The following ITPRIPL1 variants were observed in gnomAD, a reference collection of about 807,000 sequenced individuals.
The protein encoded by ITPRIPL1 is ITPRIP like 1, also known as inositol 1,4,5-trisphosphate receptor-interacting protein-like 1.
In ITPRIPL1, 28 loss-of-function variants were observed where a neutral mutation model predicts 40.0. The observed-to-expected ratio is 0.70, with a 90% CI of 0.52 to 0.96. The LOEUF (loss-of-function observed/expected upper bound fraction) is 0.96, where lower values mean the gene tolerates loss of function less well. Among genes scored for constraint, ITPRIPL1 ranks in the 40% least tolerant of loss-of-function variants. ITPRIPL1 has a pLI of 0.00. For missense variants in ITPRIPL1, 638 were observed against 698.0 expected (o/e 0.91, Z 0.97); for synonymous variants, 251 against 275.7 (o/e 0.91, Z 0.89).
Position 96,328,339 on chromosome 2 carries a change from T to A in ITPRIPL1, c.*40T>A. On this transcript the variant is annotated 3_prime_UTR_variant, in exon 3 of 3. Transcript: ENST00000439118. ...AAAAAAAAACAGAGGAAGGTATTTC[T>A]AATTCCTTGGGCTACAAAAGTGTTT... 6.5e-7 allele frequency: 1 copy of A among 1,550,250 alleles called. No individual in the cohort carries two copies. The highest frequency in any genetic ancestry group is 8.7e-7 in the Non-Finnish European group (1 of 1,146,486).
At position 96,327,345 on chromosome 2, in the gene ITPRIPL1, G is replaced by C; in HGVS notation, c.714G>C (p.Leu238=). ...ATGAGACCCAGAAATTTGATATCCT[G>C]GTGCCCATTGTCCCCCCACAGGGCA... The part of the protein sequence containing the change: ...TLHETQKFDI[L]VPIVPPQGTM... Residue 238 remains leucine, a synonymous_variant, in exon 3 of 3, where the codon CTG becomes CTC. Transcript: ENST00000439118. The C allele has an allele frequency of 6.2e-7, 1 of 1,614,152 alleles. No individual in the cohort carries two copies. The highest frequency in any genetic ancestry group is 1.7e-5 in the Admixed American group (1 of 60,020).
At position 96,326,309 on chromosome 2, in the gene ITPRIPL1, G is replaced by A. The variant is rs544520029; in HGVS notation, c.11-333G>A. The A allele has an allele frequency of 1.9e-5, 28 of 1,462,104 alleles. No individual in the cohort carries two copies. The Admixed American group carries it at 5.1e-4, about 27-fold the overall frequency. The allele number at this position is 1,462,104 out of a possible 1,614,324, so 90.6% of individuals were successfully genotyped here. ...TGCCCATGGTTGACTGAGGAGTCGG[G>A]TGAGGCCACCCTACCACAAGGGTCC... On this transcript the variant is annotated intron_variant, in intron 2 of 2. Coordinates refer to ENST00000439118, the MANE Select transcript of ITPRIPL1 (RefSeq NM_001008949.3).
downstream of ITPRIPL1, chr2:96,329,262 A>G (rs1471424309): frequency 7.0e-6 from 1 of 142,890 alleles, no homozygotes; most frequent in African/African-American, 2.6e-5. Context: ...AGTTGTTTTT[A>G]TGCATCTGAA....
At position 96,327,365 on chromosome 2, in the gene ITPRIPL1, A is replaced by G; in HGVS notation, c.734A>G (p.Gln245Arg). 1 of 1,614,104 alleles carries G rather than the reference A, an allele frequency of 6.2e-7. No individual in the cohort carries two copies. Among genetic ancestry groups the G allele is most frequent in the African/African-American group, 1.3e-5 (1 of 75,028 alleles). Residue 245 changes from glutamine (Q) to arginine (R), a missense_variant, in exon 3 of 3, where the codon CAG becomes CGG. Transcript: ENST00000439118. ...ATCCTGGTGCCCATTGTCCCCCCAC[A>G]GGGCACCATGTTTGTCCTGGAGATG... ...FDILVPIVPP[Q>R]GTMFVLEMRD...
chr2:96,326,518 G>A lies in ITPRIPL1; in HGVS notation c.11-124G>A, dbSNP rs1167687008. 42 of 1,558,904 alleles carry A rather than the reference G, an allele frequency of 2.7e-5. No homozygotes were observed. The East Asian group carries it at 7.2e-4, about 27-fold the overall frequency. On this transcript the variant is annotated intron_variant, in intron 2 of 2. Coordinates refer to ENST00000439118, the MANE Select transcript of ITPRIPL1 (RefSeq NM_001008949.3). ...GCTGTGTCCAAGCCAAGCTCTGTGG[G>A]CTTTCTGTTCCTCCTGAGTAGCTGA...
downstream of ITPRIPL1, chr2:96,329,441 G>A (rs1383796213): frequency 3.3e-5 from 5 of 151,860 alleles, no homozygotes; most frequent in Non-Finnish European, 7.4e-5. Flanking sequence ...CAATCTTTTT[G>A]GGGGCTCTGA....
chr2:96,326,682 G>T lies in ITPRIPL1; in HGVS notation c.51G>T (p.Leu17Phe). The T allele has an allele frequency of 6.2e-7, 1 of 1,614,230 alleles. No homozygotes were observed. Among genetic ancestry groups the T allele is most frequent in the Non-Finnish European group, 8.5e-7 (1 of 1,180,046 alleles). ...ASMAVISLLF[L>F]AVMYVVHHPL... ...TGGCTGTGATAAGCCTGCTGTTCTT[G>T]GCAGTGATGTATGTTGTTCACCACC... Residue 17 changes from leucine (L) to phenylalanine (F), a missense_variant, in exon 3 of 3, where the codon TTG becomes TTT. Coordinates refer to ENST00000439118, the MANE Select transcript of ITPRIPL1 (RefSeq NM_001008949.3).
In ITPRIPL1 at chr2:96,325,574, C is replaced by T. The variant is rs1187747258; in HGVS notation, c.-94+9C>T. ...TCCTACTAACACTGACGGTGAGTAA[C>T]CTGGCCCTGGGTCCCGGGAGACATC... On this transcript the variant is annotated intron_variant, in intron 1 of 2. Transcript: ENST00000439118. The T allele has an allele frequency of 1.7e-6, 1 of 576,536 alleles. No homozygotes were observed. The highest frequency in any genetic ancestry group is 2.0e-5 in the South Asian group (1 of 49,488). The allele number at this position is 576,536 out of a possible 1,614,324, so 35.7% of individuals were successfully genotyped here.
downstream of ITPRIPL1, chr2:96,329,662 A>G (rs961354672): frequency 6.6e-6 from 1 of 151,502 alleles, no homozygotes; most frequent in Non-Finnish European, 1.5e-5. Flanking sequence ...AGGTTTGTAT[A>G]GGAAAGGATT....
chr2:96,326,804 A>G lies in ITPRIPL1; in HGVS notation c.173A>G (p.Glu58Gly), dbSNP rs759165617. ...GAGGAGATGCGCCTGCTAGAGATGG[A>G]GTTTGAAGAGAGAAAGCGAGCCGCT... ...MSEEMRLLEMEFEERKRAAEQ... is the reference protein window; with the variant it reads ...MSEEMRLLEMGFEERKRAAEQ... The change falls in exon 3 of 3, where the codon GAG becomes GGG. Residue 58 changes from glutamate (E) to glycine (G), a missense_variant. Transcript: ENST00000439118. 38 of 1,613,952 alleles carry G rather than the reference A, an allele frequency of 2.4e-5. No individual in the cohort carries two copies. Among genetic ancestry groups the G allele is most frequent in the Non-Finnish European group, 3.2e-5 (38 of 1,180,014 alleles).
At chr2:96,325,638 G>T in intron 1 of ITPRIPL1, 73 bp downstream of exon 1, 1 of 630,882 alleles carries the variant, frequency 1.6e-6, no homozygotes, top group East Asian at 2.7e-5. Flanking sequence ...ACGGATAGGC[G>T]GGTGAGAGTA....
At chr2:96,325,673 G>A in intron 1 of ITPRIPL1, 74 bp from the exon 2 acceptor site, 1 of 684,636 alleles carries the variant, frequency 1.5e-6, no homozygotes, top group Non-Finnish European at 2.6e-6. Context: ...TGGAATTTGG[G>A]GAAGTTATGA....
rs769272681 is a variant in ITPRIPL1, at chr2:96,326,892, G to A, written c.261G>A (p.Leu87=). 1 of 1,614,238 alleles carries A rather than the reference G, an allele frequency of 6.2e-7. No homozygotes were observed. Among genetic ancestry groups the A allele is most frequent in the African/African-American group, 1.3e-5 (1 of 75,064 alleles). ...TGDTSSDQLV[L]GKKDMGWPFQ... is the part of the protein sequence containing the mutation. Reference sequence around the variant, plus strand: ...ACACATCCAGTGACCAGTTAGTGCTGGGGAAGAAAGACATGGGGTGGCCGT... The same window carrying A: ...ACACATCCAGTGACCAGTTAGTGCTAGGGAAGAAAGACATGGGGTGGCCGT... Residue 87 remains leucine (L), a synonymous_variant, in exon 3 of 3, where the codon CTG becomes CTA. Transcript: ENST00000439118.
Position 96,327,014 on chromosome 2 carries a change from G to A in ITPRIPL1, c.383G>A (p.Arg128Gln), listed in dbSNP as rs369932867. ...FCLFLVFELL[R>Q]QNMQHEPAFD... ...CTTTTTCTCGTCTTTGAGCTCCTGC[G>A]ACAGAACATGCAGCATGAACCGGCC... is the stretch of plus-strand genomic sequence containing the variant. Residue 128 changes from arginine (R) to glutamine (Q), a missense_variant, in exon 3 of 3, where the codon CGA (arginine) becomes CAA (glutamine). By Grantham distance (43) the Arg-to-Gln change is conservative. Coordinates refer to ENST00000439118, the MANE Select transcript of ITPRIPL1 (RefSeq NM_001008949.3). 3.3e-5 allele frequency: 54 copies of A among 1,614,046 alleles called. No homozygotes were observed. The highest frequency in any genetic ancestry group is 1.6e-4 in the East Asian group (7 of 44,892).
rs1444914984 is a variant in ITPRIPL1 at position 96,325,492 on chromosome 2, A to G, written c.-167A>G. 1 of 400,072 alleles carries G rather than the reference A, an allele frequency of 2.5e-6. No individual in the cohort carries two copies. The highest frequency in any genetic ancestry group is 4.6e-6 in the Non-Finnish European group (1 of 215,796). The allele number at this position is 400,072 out of a possible 1,614,324, so 24.8% of individuals were successfully genotyped here. On this transcript the variant is annotated 5_prime_UTR_variant, in exon 1 of 3. Coordinates refer to ENST00000439118, the MANE Select transcript of ITPRIPL1 (RefSeq NM_001008949.3). Reference sequence around the variant, plus strand: ...CCCCAGCGATGAACCGGACGCCCCCACCCTGCCGGGAAAAAAGCAGTGGCG... The same window carrying G: ...CCCCAGCGATGAACCGGACGCCCCCGCCCTGCCGGGAAAAAAGCAGTGGCG...
chr2:96,328,408 A>G, downstream of ITPRIPL1: 1 of 1,134,646 alleles, frequency 8.8e-7, no homozygotes, highest in Non-Finnish European at 1.3e-6. Flanking sequence ...TCACCTTGCC[A>G]GTGGGGGCTA....
In ITPRIPL1 at chr2:96,327,076, C is replaced by T. The variant is rs748776142; in HGVS notation, c.445C>T (p.Arg149Cys). 2.0e-5 allele frequency: 32 copies of T among 1,614,028 alleles called. No individual in the cohort carries two copies. Among genetic ancestry groups the T allele is most frequent in the South Asian group, 1.1e-4 (10 of 91,084 alleles). ...CAGTGAGGAGGAGGAGGAGGAAGTC[C>T]GTGTTGTCCCTGTCACCTCTTACAA... ...SSSEEEEEEV[R>C]VVPVTSYNWL... The change falls in exon 3 of 3, where the codon CGT (arginine) becomes TGT (cysteine). Residue 149 changes from arginine (R) to cysteine (C), a missense_variant. By Grantham distance (180) the Arg-to-Cys change is radical. Transcript: ENST00000439118.
downstream of ITPRIPL1, chr2:96,328,516 T>C: frequency 2.0e-6 from 1 of 498,536 alleles, no homozygotes; most frequent in Non-Finnish European, 3.5e-6. Context: ...GGTTTTCTTC[T>C]GCTAACTTTC....
chr2:96,328,059 C>T lies in ITPRIPL1; in HGVS notation c.1428C>T (p.Asp476=). The T allele has an allele frequency of 1.2e-6, 2 of 1,614,194 alleles. No homozygotes were observed. The highest frequency in any genetic ancestry group is 1.7e-6 in the Non-Finnish European group (2 of 1,180,034). The change falls in exon 3 of 3, where the codon GAC becomes GAT. Residue 476 remains aspartate (D), a synonymous_variant. Transcript: ENST00000439118. ...AHNMLSQRLQ[D]ILWFLGRGLQ... ...ACATGCTCTCTCAGCGGCTCCAGGA[C>T]ATTCTCTGGTTCTTGGGCCGTGGCC...
Sources: gnomAD v4.1 joint callset for allele counts on GRCh38, gnomAD v4.1.1 for gene constraint, MANE v1.5 for transcripts, NCBI Gene and HGNC (gene_info 2026-07-23, HGNC 2026-07-21) for gene names.